The following ZFHX3 variants were observed in gnomAD, a reference collection of about 807,000 sequenced individuals.
ZFHX3 encodes the protein zinc finger homeobox 3.
Under a neutral mutation model 279.1 loss-of-function variants are expected in ZFHX3, and 42 were observed. That is an observed-to-expected ratio of 0.15 (90% CI 0.12 to 0.19). The LOEUF (loss-of-function observed/expected upper bound fraction) is 0.19, where lower values mean the gene tolerates loss of function less well. ZFHX3 is among the 10% of genes least tolerant of loss of function. The probability of loss-of-function intolerance (pLI) is 1.00; values close to 1 mark genes in which losing one functional copy is unlikely to be tolerated. For missense variants in ZFHX3, 4,981 were observed against 4,754.0 expected, an observed-to-expected ratio of 1.05 and a Z score of -1.40; for synonymous variants, 2,293 against 1,957.8, an observed-to-expected ratio of 1.17 and a Z score of -4.52.
rs772275666 is a variant in ZFHX3 at position 72,796,622 on chromosome 16, T to C, written c.6060A>G (p.Lys2020=). The C allele has an allele frequency of 3.1e-6, 5 of 1,614,050 alleles. No individual in the cohort carries two copies. In the South Asian group the frequency reaches 4.4e-5, roughly 14 times the overall value. ...FPFKQLERFA[K]QYRDHYDKLY... ...GTTTATCGTAGTGGTCTCTGTACTG[T>C]TTGGCAAACCTCTCGAGCTGTTTGA... The change falls in exon 9 of 10, where the codon AAA becomes AAG. Residue 2020 remains lysine (K), a synonymous_variant. Transcript: ENST00000268489.
intron 3 of ZFHX3, among the ~76,000 whole-genome samples, chr16:72,939,766 T>C (rs1236803530): frequency 1.3e-5 from 2 of 152,164 alleles, no homozygotes; most frequent in Non-Finnish European, 2.9e-5. Flanking sequence ...CAGGCGCCTG[T>C]AATCCCAGCT....
intron 1 of ZFHX3, among the ~76,000 whole-genome samples, chr16:73,887,524 T>C (rs1488882895): frequency 2.6e-5 from 4 of 152,148 alleles, no homozygotes; most frequent in African/African-American, 9.7e-5. Context: ...CACACAGATG[T>C]GTTTCTGTGA....
At chr16:72,805,477 A>G (rs2036236118) in intron 7 of ZFHX3, among the ~76,000 whole-genome samples, 1 of 152,220 alleles carries the variant, frequency 6.6e-6, no homozygotes, top group South Asian at 2.1e-4. Flanking sequence ...AATAGAATGA[A>G]GAAATTCAGA....
At chr16:73,848,405 A>AAG (rs1961506028) in intron 1 of ZFHX3, among the ~76,000 whole-genome samples, 1 of 149,184 alleles carries the variant, frequency 6.7e-6, no homozygotes, top group South Asian at 2.1e-4. Flanking sequence ...AGATAAAAGC[A>AAG]AGAGCTGGTG....
At chr16:73,257,820 G>A (rs1037721624) in intron 4 of ZFHX3, among the ~76,000 whole-genome samples, 6 of 152,214 alleles carry the variant, frequency 3.9e-5, no homozygotes, top group African/African-American at 1.2e-4. Flanking sequence ...GGTTATACAG[G>A]CAAGAGCACT....
chr16:73,771,758 ATTT>A (rs55993701), intron 1 of ZFHX3, among the ~76,000 whole-genome samples: 5 of 144,044 alleles, frequency 3.5e-5, no homozygotes, highest in Admixed American at 1.4e-4. Context: ...GCCTTAAAGA[ATTT>A]TTTTTTTTTT....
intron 4 of ZFHX3, among the ~76,000 whole-genome samples, chr16:72,837,809 C>T (rs1408824740): frequency 6.6e-6 from 1 of 152,062 alleles, no homozygotes; most frequent in Admixed American, 6.6e-5. Context: ...GCTGTGTTGC[C>T]CAGGCTGGTC....
At position 72,933,125 on chromosome 16, in the gene ZFHX3, C is replaced by T. The variant is rs142290429; in HGVS notation, c.3216+17344G>A. Reference sequence around the variant, plus strand: ...TGCCACACCAACATGTGCCCGGCATCTCGTGGGCATCCAGACACCTCCTGA... The same window carrying T: ...TGCCACACCAACATGTGCCCGGCATTTCGTGGGCATCCAGACACCTCCTGA... On this transcript the variant is annotated intron_variant, in intron 3 of 9. Coordinates refer to ENST00000268489, the MANE Select transcript of ZFHX3 (RefSeq NM_006885.4). 2.9e-3 allele frequency among the ~76,000 whole-genome samples: 435 copies of T among 152,336 alleles called. 1 individual carries two copies. The highest frequency in any genetic ancestry group is 6.8e-3 in the Middle Eastern group (2 of 294).
chr16:73,425,101 A>G (rs1319075321), intron 3 of ZFHX3, among the ~76,000 whole-genome samples: 1 of 152,138 alleles, frequency 6.6e-6, no homozygotes, highest in African/African-American at 2.4e-5. Flanking sequence ...AGCACCTAAT[A>G]TAGTGCTTTC....
chr16:73,697,042 G>T (rs1447014261), intron 1 of ZFHX3, among the ~76,000 whole-genome samples: 4 of 152,124 alleles, frequency 2.6e-5, no homozygotes, highest in African/African-American at 9.7e-5. Flanking sequence ...AAGAGAAAAT[G>T]TGGCAGTTAT....
intron 5 of ZFHX3, among the ~76,000 whole-genome samples, chr16:73,224,583 T>A (rs2012532783): frequency 6.6e-6 from 1 of 152,162 alleles, no homozygotes; most frequent in Admixed American, 6.5e-5. Context: ...TTCTAGAGAT[T>A]TTGCAGAAAC....
chr16:73,050,195 A>T (rs1391436448), upstream of ZFHX3, among the ~76,000 whole-genome samples: 1 of 152,240 alleles, frequency 6.6e-6, no homozygotes, highest in African/African-American at 2.4e-5. Context: ...CAATAAAATA[A>T]AAGCTAGAAA....
chr16:73,388,315 T>C (rs1030959264), intron 3 of ZFHX3, among the ~76,000 whole-genome samples: 1 of 152,052 alleles, frequency 6.6e-6, no homozygotes, highest in African/African-American at 2.4e-5. Context: ...TTAGAAGGAA[T>C]GGACAATTGA....
chr16:73,566,137 T>G (rs1452427446), intron 2 of ZFHX3, among the ~76,000 whole-genome samples: 2 of 152,182 alleles, frequency 1.3e-5, no homozygotes, highest in African/African-American at 4.8e-5. Context: ...CTGATAGGGC[T>G]GAAGGTCTGT....
Position 73,110,923 on chromosome 16 carries a change from T to A in ZFHX3, c.-896-17325A>T, listed in dbSNP as rs1966364578. ...AGTTGCAGAATAATAACAGTAAGGATGCATTTTATGATTTTATGATTTTAT... is the reference window on the plus strand; with the variant it reads ...AGTTGCAGAATAATAACAGTAAGGAAGCATTTTATGATTTTATGATTTTAT... On this transcript the variant is annotated intron_variant, in intron 7 of 17. Transcript: ENST00000641206. Among the ~76,000 whole-genome samples, 9 of 152,180 alleles carry A rather than the reference T, an allele frequency of 5.9e-5. No individual in the cohort carries two copies. The South Asian group carries it at 1.9e-3, about 32-fold the overall frequency.
At chr16:73,756,469 C>T (rs1321714732) in intron 1 of ZFHX3, among the ~76,000 whole-genome samples, 1 of 152,154 alleles carries the variant, frequency 6.6e-6, no homozygotes, top group Admixed American at 6.5e-5. Flanking sequence ...GAGCTTGCGT[C>T]TGTCTTCTTC....
At chr16:73,444,039 G>A (rs2018140261) in intron 3 of ZFHX3, among the ~76,000 whole-genome samples, 1 of 152,184 alleles carries the variant, frequency 6.6e-6, no homozygotes, top group Non-Finnish European at 1.5e-5. Flanking sequence ...GGGATTACAG[G>A]CGTGAGCCAC....
chr16:73,770,952 A>G (rs2054011271), intron 1 of ZFHX3, among the ~76,000 whole-genome samples: 1 of 152,172 alleles, frequency 6.6e-6, no homozygotes. Flanking sequence ...ATTGTCATGA[A>G]GAAGGTAAAG....
At chr16:73,411,418 A>T (rs1348419814) in intron 3 of ZFHX3, among the ~76,000 whole-genome samples, 1 of 152,178 alleles carries the variant, frequency 6.6e-6, no homozygotes, top group Non-Finnish European at 1.5e-5. Context: ...AAAAATCTTT[A>T]TCTGTGGGAA....
Sources: allele counts gnomAD v4.1 joint callset (sites outside exome capture counted in the v4.1 genomes callset), GRCh38; gene constraint gnomAD v4.1.1; transcripts MANE v1.5; gene names NCBI Gene and HGNC (gene_info 2026-07-23, HGNC 2026-07-21).